Variants in RFX6 observed in about 807,000 individuals in gnomAD.
RFX6 encodes the protein regulatory factor X6.
In RFX6, 50 loss-of-function variants were observed where a neutral mutation model predicts 110.8. That is an observed-to-expected ratio of 0.45 (90% confidence interval 0.36 to 0.57). RFX6 has a LOEUF of 0.57. Among genes scored for constraint, RFX6 ranks in the 20% least tolerant of loss-of-function variants. The pLI is 0.00. For synonymous variants in RFX6, 383 were observed against 411.2 expected, an observed-to-expected ratio of 0.93 and a Z score of 0.83; for missense variants, 990 against 1,127.0, an observed-to-expected ratio of 0.88 and a Z score of 1.74.
chr6:116,898,766 T>A (rs1034149773), intron 6 of RFX6, among the ~76,000 whole-genome samples: 5 of 152,120 alleles, frequency 3.3e-5, no homozygotes, highest in Non-Finnish European at 7.4e-5. Flanking sequence ...AGTTTTGCAT[T>A]TCTCTCAGGA....
At chr6:116,884,530 C>T (rs573436438) in intron 4 of RFX6, among the ~76,000 whole-genome samples, 12 of 152,194 alleles carry the variant, frequency 7.9e-5, no homozygotes, top group African/African-American at 2.6e-4. Context: ...ATCAGTTTAA[C>T]TGACTGATTT....
chr6:116,882,613 T>TGAA (rs1774614284), intron 4 of RFX6, among the ~76,000 whole-genome samples, 185 bp downstream of exon 4: 2 of 152,172 alleles, frequency 1.3e-5, no homozygotes, highest in Admixed American at 1.3e-4. Flanking sequence ...AAAGCAAATT[T>TGAA]TACATTTGAA....
rs1172548368 is a variant in RFX6, at chr6:116,877,454, G to A, written c.179G>A (p.Gly60Glu). The A allele has an allele frequency of 6.3e-7, 1 of 1,576,344 alleles. No individual in the cohort carries two copies. The highest frequency in any genetic ancestry group is 1.2e-5 in the South Asian group (1 of 86,250). ...EGQPGGEQGG[G>E]EKGEDPELPG... The stretch of plus-strand genomic sequence containing the variant: ...CAGCCCGGGGGCGAGCAGGGCGGCG[G>A]GGAGAAAGGCGAAGACCCGGAGCTG... The change falls in exon 1 of 19, where the codon GGG becomes GAG. Residue 60 changes from glycine (G) to glutamate (E), a missense_variant. Physicochemically the swap from Gly to Glu is moderately conservative, Grantham distance 98. Transcript: ENST00000332958.
At chr6:116,899,221 C>T (rs1188992214) in intron 6 of RFX6, among the ~76,000 whole-genome samples, 1 of 151,820 alleles carries the variant, frequency 6.6e-6, no homozygotes. Context: ...AATGACATAC[C>T]ATGTGCCTGG....
chr6:116,927,789 G>T (rs1775781729), intron 17 of RFX6, among the ~76,000 whole-genome samples: 1 of 136,806 alleles, frequency 7.3e-6, no homozygotes, highest in African/African-American at 2.8e-5. Context: ...CTGTAGCCCA[G>T]GCTGGAGTGC....
chr6:116,898,234 TG>T (rs890021581), intron 6 of RFX6, among the ~76,000 whole-genome samples: 3 of 152,222 alleles, frequency 2.0e-5, no homozygotes, highest in African/African-American at 4.8e-5. Context: ...AGTGGTGAGC[TG>T]GGGTTTGGTT....
At chr6:116,885,326 G>C (rs1423162290) in intron 4 of RFX6, among the ~76,000 whole-genome samples, 1 of 152,090 alleles carries the variant, frequency 6.6e-6, no homozygotes, top group Non-Finnish European at 1.5e-5. Flanking sequence ...GAATATAGTA[G>C]TGAATATGCT....
intron 6 of RFX6, among the ~76,000 whole-genome samples, chr6:116,900,480 C>A (rs763109547): frequency 4.9e-4 from 74 of 152,094 alleles, no homozygotes; most frequent in Non-Finnish European, 8.1e-4. Context: ...GTCTTGAACT[C>A]CTGACCTCAG....
rs868041509 is a variant in RFX6 at position 116,928,823 on chromosome 6, C to CA, written c.2463_2464insA (p.Val822SerfsTer15). On this transcript the variant is annotated frameshift_variant, in exon 18 of 19. Transcript: ENST00000332958. ...GGCTCGGATCAATGGTGAATCAGCACGTTTCTGTCATCAGCAGCATTCGTT... is the reference window on the plus strand; with the variant it reads ...GGCTCGGATCAATGGTGAATCAGCACAGTTTCTGTCATCAGCAGCATTCGTT... The CA allele has an allele frequency of 6.2e-7, 1 of 1,613,962 alleles. No homozygotes were observed. Among genetic ancestry groups the CA allele is most frequent in the Non-Finnish European group, 8.5e-7 (1 of 1,179,846 alleles).
At chr6:116,907,367 C>A (rs910204436) in intron 6 of RFX6, among the ~76,000 whole-genome samples, 1 of 152,052 alleles carries the variant, frequency 6.6e-6, no homozygotes, top group African/African-American at 2.4e-5. Context: ...GCAATATTGG[C>A]CTCATAGAAT....
At chr6:116,917,343 T>TTG (rs199981089) in intron 9 of RFX6, among the ~76,000 whole-genome samples, 1,677 of 152,012 alleles carry the variant, frequency 0.011, 29 homozygotes, top group Admixed American at 0.041. Flanking sequence ...GTCTTGTTTT[T>TTG]TTTTTTTTTT....
At chr6:116,878,133 G>A (rs1299735339) in intron 2 of RFX6, among the ~76,000 whole-genome samples, 181 bp downstream of exon 2, 1 of 152,152 alleles carries the variant, frequency 6.6e-6, no homozygotes, top group East Asian at 1.9e-4. Context: ...ACTTATACAA[G>A]TACTGGTGAA....
chr6:116,913,148 C>G (rs1775390818), intron 7 of RFX6, among the ~76,000 whole-genome samples: 1 of 152,168 alleles, frequency 6.6e-6, no homozygotes, highest in African/African-American at 2.4e-5. Context: ...TCACGGCAAC[C>G]TTTGCCTCCC....
At chr6:116,926,340 C>T (rs556545481) in intron 16 of RFX6, among the ~76,000 whole-genome samples, 3 of 152,242 alleles carry the variant, frequency 2.0e-5, no homozygotes, top group South Asian at 2.1e-4. Context: ...TTAGGATAAT[C>T]GTTACAATAA....
In RFX6 at chr6:116,877,458, G is replaced by A. The variant is rs1774485730; in HGVS notation, c.183G>A (p.Glu61=). The change falls in exon 1 of 19, where the codon GAG becomes GAA. Residue 61 remains glutamate, a synonymous_variant. Coordinates refer to ENST00000332958, the MANE Select transcript of RFX6 (RefSeq NM_173560.4). The stretch of plus-strand genomic sequence containing the variant: ...CCGGGGGCGAGCAGGGCGGCGGGGA[G>A]AAAGGCGAAGACCCGGAGCTGCCGG... The part of the protein sequence containing the change: ...GQPGGEQGGG[E]KGEDPELPGA... 1.3e-6 allele frequency: 2 copies of A among 1,571,520 alleles called. No homozygotes were observed. The highest frequency in any genetic ancestry group is 1.7e-6 in the Non-Finnish European group (2 of 1,157,600).
rs1489251977 is a variant in RFX6 at position 116,931,370 on chromosome 6, A to C, written c.2651A>C (p.Gln884Pro). Residue 884 changes from glutamine (Q) to proline (P), a missense_variant, in exon 19 of 19, where the codon CAA becomes CCA. Coordinates refer to ENST00000332958, the MANE Select transcript of RFX6 (RefSeq NM_173560.4). ...LQTPIPSSSS[Q>P]CMYGTSNQYP... The stretch of plus-strand genomic sequence containing the variant: ...ACCCCAATTCCTTCTTCCTCATCCC[A>C]ATGTATGTATGGAACTTCCAACCAG... 6.2e-7 allele frequency: 1 copy of C among 1,613,304 alleles called. No homozygotes were observed. The highest frequency in any genetic ancestry group is 1.1e-5 in the South Asian group (1 of 91,064).
chr6:116,903,864 T>G (rs1177710739), intron 6 of RFX6, among the ~76,000 whole-genome samples: 1 of 152,024 alleles, frequency 6.6e-6, no homozygotes, highest in Non-Finnish European at 1.5e-5. Flanking sequence ...GGGAATTTTT[T>G]TTTTGCCTGA....
intron 4 of RFX6, among the ~76,000 whole-genome samples, chr6:116,890,258 A>G (rs983251199): frequency 1.3e-5 from 2 of 152,160 alleles, no homozygotes; most frequent in Admixed American, 1.3e-4. Context: ...GAATGGGGAT[A>G]ATGCTCTACT....
At chr6:116,894,517 C>A (rs1269496815) in intron 5 of RFX6, among the ~76,000 whole-genome samples, 1 of 152,014 alleles carries the variant, frequency 6.6e-6, no homozygotes, top group African/African-American at 2.4e-5. Flanking sequence ...CATCCTCTTA[C>A]CTTATGAGGG....
Sources: allele counts gnomAD v4.1 joint callset (sites outside exome capture counted in the v4.1 genomes callset), GRCh38; gene constraint gnomAD v4.1.1; transcripts MANE v1.5; gene names NCBI Gene and HGNC (gene_info 2026-07-23, HGNC 2026-07-21).